The following ASB13 variants were observed in gnomAD, a reference collection of about 807,000 sequenced individuals.
ASB13 encodes ankyrin repeat and SOCS box containing 13.
Under a neutral mutation model 28.8 loss-of-function variants are expected in ASB13, and 33 were observed. That is an observed-to-expected ratio of 1.15 (90% confidence interval 0.87 to 1.53). ASB13 has a LOEUF of 1.53. ASB13 is among the 40% of genes most tolerant of loss of function. ASB13 has a pLI of 0.00. For missense variants in ASB13, 414 were observed against 390.1 expected, an observed-to-expected ratio of 1.06 and a Z score of -0.52; for synonymous variants, 182 against 172.9, an observed-to-expected ratio of 1.05 and a Z score of -0.41.
At chr10:5,662,518 A>C (rs1156660624) in intron 1 of ASB13, among the ~76,000 whole-genome samples, 4 of 85,180 alleles carry the variant, frequency 4.7e-5, no homozygotes, top group African/African-American at 1.9e-4. Flanking sequence ...CGACAGACTG[A>C]GACTCTGTCG....
chr10:5,646,936 T>A (rs535325754), intron 4 of ASB13, among the ~76,000 whole-genome samples: 1 of 152,274 alleles, frequency 6.6e-6, no homozygotes, highest in African/African-American at 2.4e-5. Flanking sequence ...ATGGAGATAC[T>A]TCTAAGACAG....
In ASB13 at chr10:5,642,020, C is replaced by T. The variant is rs891061701; in HGVS notation, c.518-59G>A. 57 of 1,537,400 alleles carry T rather than the reference C, an allele frequency of 3.7e-5. No homozygotes were observed. Among genetic ancestry groups the T allele is most frequent in the Non-Finnish European group, 5.0e-5 (56 of 1,124,078 alleles). ...AGAAGAGAACTTGAAGTCAGGGGGA[C>T]AATCAGGTCCGTTTCGTCACACAGC... is the stretch of plus-strand genomic sequence containing the variant. On this transcript the variant is annotated intron_variant, in intron 4 of 5. Transcript: ENST00000357700. This position sits in a 1 kb window ranked among gnomAD's most constrained non-coding sequence, Gnocchi z 4.1.
rs1159658094 is a variant in ASB13, at chr10:5,655,212, C to G, written c.44-2162G>C. Reference sequence around the variant, plus strand: ...AGATCCCCACATTGCCACCTTCCCCCACCTCTGCCTTGGGCACTGAGTACA... The same window carrying G: ...AGATCCCCACATTGCCACCTTCCCCGACCTCTGCCTTGGGCACTGAGTACA... On this transcript the variant is annotated intron_variant, in intron 1 of 5. Coordinates refer to ENST00000357700, the MANE Select transcript of ASB13 (RefSeq NM_024701.4). The surrounding 1 kb of genome is among the most constrained non-coding windows in gnomAD (Gnocchi z 6.2). 6.6e-6 allele frequency among the ~76,000 whole-genome samples: 1 copy of G among 152,200 alleles called. No homozygotes were observed. Among genetic ancestry groups the G allele is most frequent in the African/African-American group, 2.4e-5 (1 of 41,456 alleles).
rs534237180 is a variant in ASB13, at chr10:5,664,866, T to C, written c.43+1643A>G. 1.3e-5 allele frequency among the ~76,000 whole-genome samples: 2 copies of C among 151,916 alleles called. No individual in the cohort carries two copies. The highest frequency in any genetic ancestry group is 3.9e-4 in the East Asian group (2 of 5,164). ...TGGCTAATTTTTGTATTTTTATTTA[T>C]TTATTTTGAGACAGAGTTTTGCTCT... On this transcript the variant is annotated intron_variant, in intron 1 of 5. Transcript: ENST00000357700. This position sits in a 1 kb window ranked among gnomAD's most constrained non-coding sequence, Gnocchi z 4.2.
Position 5,660,718 on chromosome 10 carries a change from G to A in ASB13, c.43+5791C>T, listed in dbSNP as rs1323336051. Among the ~76,000 whole-genome samples, 2 of 152,174 alleles carry A rather than the reference G, an allele frequency of 1.3e-5. No individual in the cohort carries two copies. The highest frequency in any genetic ancestry group is 2.9e-5 in the Non-Finnish European group (2 of 68,022). Reference sequence around the variant, plus strand: ...AGTCCTGTGGGGAGGGCAGGTGCGGGTTCTACCATCTCATCTTTGTTCCAT... The same window carrying A: ...AGTCCTGTGGGGAGGGCAGGTGCGGATTCTACCATCTCATCTTTGTTCCAT... On this transcript the variant is annotated intron_variant, in intron 1 of 5. Transcript: ENST00000357700. This position sits in a 1 kb window ranked among gnomAD's most constrained non-coding sequence, Gnocchi z 6.1.
Position 5,644,494 on chromosome 10 carries a change from T to G in ASB13, c.518-2533A>C, listed in dbSNP as rs1423279515. On this transcript the variant is annotated intron_variant, in intron 4 of 5. Transcript: ENST00000357700. This position sits in a 1 kb window ranked among gnomAD's most constrained non-coding sequence, Gnocchi z 5.1. ...CTGGATGACAGAGTGAGGCCCATAG[T>G]GAGAAAGAGAACATAAACAGGTACT... is the stretch of plus-strand genomic sequence containing the variant. Among the ~76,000 whole-genome samples the G allele has an allele frequency of 6.6e-6, 1 of 151,140 alleles. No individual in the cohort carries two copies. The highest frequency in any genetic ancestry group is 2.0e-4 in the East Asian group (1 of 5,118).
chr10:5,652,218 G>A lies in ASB13; in HGVS notation c.231+645C>T, dbSNP rs1238856841. Among the ~76,000 whole-genome samples the A allele has an allele frequency of 1.3e-5, 2 of 152,044 alleles. No individual in the cohort carries two copies. The highest frequency in any genetic ancestry group is 4.1e-4 in the South Asian group (2 of 4,826). On this transcript the variant is annotated intron_variant, in intron 2 of 5. Transcript: ENST00000357700. The surrounding 1 kb of genome is among the most constrained non-coding windows in gnomAD (Gnocchi z 5.0). The stretch of plus-strand genomic sequence containing the variant: ...TTCTATTTGGGTACACACTGAAATC[G>A]GTTCCATTCCAACCTTTTGGGAAGA...
chr10:5,666,317 T>G (rs1037146542), intron 1 of ASB13, among the ~76,000 whole-genome samples, 192 bp downstream of exon 1: 4 of 152,120 alleles, frequency 2.6e-5, no homozygotes, highest in Admixed American at 2.0e-4. Context: ...GCACCAGACA[T>G]GAGAGCCCGT....
rs1197723654 is a variant in ASB13 at position 5,664,477 on chromosome 10, G to C, written c.43+2032C>G. Among the ~76,000 whole-genome samples, 1 of 151,674 alleles carries C rather than the reference G, an allele frequency of 6.6e-6. No homozygotes were observed. Among genetic ancestry groups the C allele is most frequent in the Non-Finnish European group, 1.5e-5 (1 of 67,930 alleles). The stretch of plus-strand genomic sequence containing the variant: ...GACATTACACAAAAAGAGAAACATA[G>C]TCCCCACATAGCAAGTGGCTCAGCT... On this transcript the variant is annotated intron_variant, in intron 1 of 5. Transcript: ENST00000357700. The surrounding 1 kb of genome is among the most constrained non-coding windows in gnomAD (Gnocchi z 4.2).
At chr10:5,643,286 C>T (rs1020100677) in intron 4 of ASB13, among the ~76,000 whole-genome samples, 3 of 152,172 alleles carry the variant, frequency 2.0e-5, no homozygotes, top group African/African-American at 4.8e-5. Flanking sequence ...AGAGGTGGAA[C>T]GCTTTTACAT....
In ASB13 at chr10:5,641,543, C is replaced by A. The variant is rs1219376700; in HGVS notation, c.709+227G>T. Among the ~76,000 whole-genome samples the A allele has an allele frequency of 6.6e-6, 1 of 152,218 alleles. No homozygotes were observed. The highest frequency in any genetic ancestry group is 1.5e-5 in the Non-Finnish European group (1 of 68,040). On this transcript the variant is annotated intron_variant, in intron 5 of 5. Coordinates refer to ENST00000357700, the MANE Select transcript of ASB13 (RefSeq NM_024701.4). The surrounding 1 kb of genome is among the most constrained non-coding windows in gnomAD (Gnocchi z 8.4). ...ACAGGTCTGGTGCCCGGGCAGGTGT[C>A]GGCCACAGCTTCTGCTGCTCCACGC... is the stretch of plus-strand genomic sequence containing the variant.
At position 5,659,880 on chromosome 10, in the gene ASB13, G is replaced by A. The variant is rs911941218; in HGVS notation, c.43+6629C>T. 1.3e-5 allele frequency among the ~76,000 whole-genome samples: 2 copies of A among 152,198 alleles called. No individual in the cohort carries two copies. The highest frequency in any genetic ancestry group is 2.9e-5 in the Non-Finnish European group (2 of 68,044). On this transcript the variant is annotated intron_variant, in intron 1 of 5. Transcript: ENST00000357700. The surrounding 1 kb of genome is among the most constrained non-coding windows in gnomAD (Gnocchi z 5.8). Reference sequence around the variant, plus strand: ...ACTTGGACCCCTGCCGCTAGGTTCTGTCCCCTGCTCCACTTTCCAGCCCAG... The same window carrying A: ...ACTTGGACCCCTGCCGCTAGGTTCTATCCCCTGCTCCACTTTCCAGCCCAG...
chr10:5,641,393 C>T lies in ASB13; in HGVS notation c.709+377G>A, dbSNP rs1588505858. On this transcript the variant is annotated intron_variant, in intron 5 of 5. Coordinates refer to ENST00000357700, the MANE Select transcript of ASB13 (RefSeq NM_024701.4). This position sits in a 1 kb window ranked among gnomAD's most constrained non-coding sequence, Gnocchi z 8.4. ...CTGTGATTACAGGTGTGAGCCACTG[C>T]GCCTTTTCAAAACCATGGTTTTGGT... Among the ~76,000 whole-genome samples, 1 of 152,126 alleles carries T rather than the reference C, an allele frequency of 6.6e-6. No homozygotes were observed. The highest frequency in any genetic ancestry group is 1.5e-5 in the Non-Finnish European group (1 of 68,030).
At chr10:5,648,855 C>A in intron 4 of ASB13, 115 bp downstream of exon 4, 1 of 1,530,900 alleles carries the variant, frequency 6.5e-7, no homozygotes, top group East Asian at 2.3e-5. Flanking sequence ...AACACCCACT[C>A]GGGTAAACAC....
At position 5,642,501 on chromosome 10, in the gene ASB13, A is replaced by T; in HGVS notation, c.518-540T>A. ...AAACAGTAGGCAATTCAGAGAAGAG[A>T]GTAAGCTCTGCACTCCTCAACTTTC... On this transcript the variant is annotated intron_variant, in intron 4 of 5. Coordinates refer to ENST00000357700, the MANE Select transcript of ASB13 (RefSeq NM_024701.4). This position sits in a 1 kb window ranked among gnomAD's most constrained non-coding sequence, Gnocchi z 4.1. 1 of 1,222,458 alleles carries T rather than the reference A, an allele frequency of 8.2e-7. No individual in the cohort carries two copies. Among genetic ancestry groups the T allele is most frequent in the Non-Finnish European group, 1.0e-6 (1 of 965,536 alleles). 75.7% of individuals were successfully genotyped at this position (1,222,458 alleles called of 1,614,324 possible). A position where few individuals can be genotyped will look rare whatever the true frequency, so the allele number is the denominator to read the frequency against.
At chr10:5,653,785 G>A (rs916959163) in intron 1 of ASB13, among the ~76,000 whole-genome samples, 3 of 151,938 alleles carry the variant, frequency 2.0e-5, no homozygotes, top group Non-Finnish European at 2.9e-5. Flanking sequence ...GGGTTCAAGC[G>A]ATTCTCCTGC....
rs1329975977 is a variant in ASB13 at position 5,656,622 on chromosome 10, A to C, written c.44-3572T>G. Among the ~76,000 whole-genome samples, 1 of 152,254 alleles carries C rather than the reference A, an allele frequency of 6.6e-6. No homozygotes were observed. Among genetic ancestry groups the C allele is most frequent in the Non-Finnish European group, 1.5e-5 (1 of 68,048 alleles). The stretch of plus-strand genomic sequence containing the variant: ...GAGGGGCCTTTATCCATTCTTACAC[A>C]GAGGCTAGGATAATTTTAGAGCATT... On this transcript the variant is annotated intron_variant, in intron 1 of 5. Transcript: ENST00000357700. This position sits in a 1 kb window ranked among gnomAD's most constrained non-coding sequence, Gnocchi z 4.3.
rs1834946335 is a variant in ASB13 at position 5,649,195 on chromosome 10, T to C, written c.383-91A>G. On this transcript the variant is annotated intron_variant, in intron 3 of 5. Coordinates refer to ENST00000357700, the MANE Select transcript of ASB13 (RefSeq NM_024701.4). This position sits in a 1 kb window ranked among gnomAD's most constrained non-coding sequence, Gnocchi z 6.4. ...GACGCGGCAGGGGCAGCAGCCTCCA[T>C]CCTTGGTGCAGGGCAGGGAAGCCAG... 1.9e-6 allele frequency: 3 copies of C among 1,559,192 alleles called. No homozygotes were observed. Among genetic ancestry groups the C allele is most frequent in the Non-Finnish European group, 2.6e-6 (3 of 1,146,776 alleles).
At position 5,651,336 on chromosome 10, in the gene ASB13, T is replaced by C. The variant is rs1406984823; in HGVS notation, c.259A>G (p.Thr87Ala). The change falls in exon 3 of 6, where the codon ACC becomes GCC. Residue 87 changes from threonine (T) to alanine (A), a missense_variant. Coordinates refer to ENST00000357700, the MANE Select transcript of ASB13 (RefSeq NM_024701.4). This position sits in a 1 kb window ranked among gnomAD's most constrained non-coding sequence, Gnocchi z 5.1. ...GAGGCGCAGGCATCGCAGAGCGGGG[T>C]GCTGCCGTCGATGTTGCGAGCATCC... ...QVDARNIDGS[T>A]PLCDACASGS... The C allele has an allele frequency of 6.2e-7, 1 of 1,612,236 alleles. No individual in the cohort carries two copies. Among genetic ancestry groups the C allele is most frequent in the Admixed American group, 1.7e-5 (1 of 59,688 alleles).
Sources: gnomAD v4.1 joint callset for allele counts (sites outside exome capture counted in the v4.1 genomes callset) on GRCh38, gnomAD v4.1.1 for gene constraint, Gnocchi (gnomAD v3.1) non-coding constraint, MANE v1.5 for transcripts, NCBI Gene and HGNC (gene_info 2026-07-23, HGNC 2026-07-21) for gene names.